DENND4B: variants seen among roughly 807,000 people sequenced by gnomAD.
DENND4B encodes the protein DENN domain-containing protein 4B.
Under a neutral mutation model 161.0 loss-of-function variants are expected in DENND4B, and 67 were observed. That is an observed-to-expected ratio of 0.42 (90% CI 0.34 to 0.51). The LOEUF (loss-of-function observed/expected upper bound fraction) is 0.51, where lower values mean the gene tolerates loss of function less well. DENND4B is among the 20% of genes least tolerant of loss of function. The pLI is 0.08. For synonymous variants in DENND4B, 753 were observed against 813.8 expected, an observed-to-expected ratio of 0.93 and a Z score of 1.27; for missense variants, 1,481 against 1,968.0, an observed-to-expected ratio of 0.75 and a Z score of 4.68.
chr1:153,941,527 C>A, intron 6 of DENND4B, 87 bp from the exon 7 acceptor site: 1 of 1,454,558 alleles, frequency 6.9e-7, no homozygotes, highest in Non-Finnish European at 9.2e-7. Flanking sequence ...CACTTGTTCT[C>A]AAGAACCTTA....
Position 153,936,835 on chromosome 1 carries a change from G to A in DENND4B, c.2233-87C>T, listed in dbSNP as rs149538338. 518 of 1,313,762 alleles carry A rather than the reference G, an allele frequency of 3.9e-4. 2 individuals carry two copies. In the African/African-American group the frequency reaches 6.1e-3, roughly 15 times the overall value. The allele number at this position is 1,313,762 out of a possible 1,614,324, so 81.4% of individuals were successfully genotyped here. A position where few individuals can be genotyped will look rare whatever the true frequency, so the allele number is the denominator to read the frequency against. On this transcript the variant is annotated intron_variant, in intron 15 of 27. Coordinates refer to ENST00000361217, the MANE Select transcript of DENND4B (RefSeq NM_014856.3). This position sits in a 1 kb window ranked among gnomAD's most constrained non-coding sequence, Gnocchi z 4.1. ...TTATTTATTTATTTATGACGGTCTC[G>A]CTCTGTCACCCAGGCTGGAGTGCAG...
rs771243616 is a variant in DENND4B at position 153,937,902 on chromosome 1, G to A, written c.1966-39C>T. 1.2e-6 allele frequency: 2 copies of A among 1,613,474 alleles called. No individual in the cohort carries two copies. Among genetic ancestry groups the A allele is most frequent in the South Asian group, 1.1e-5 (1 of 91,050 alleles). On this transcript the variant is annotated intron_variant, in intron 13 of 27. Transcript: ENST00000361217. The surrounding 1 kb of genome is among the most constrained non-coding windows in gnomAD (Gnocchi z 4.7). ...TTAAGAGAGCAAGTGTTGAGATGGT[G>A]GGCATGGAGCAGAGCCAGGGTGTCT...
In DENND4B at chr1:153,934,583, A is replaced by G. The variant is rs542349029; in HGVS notation, c.2773+177T>C. ...CAGTCTCCCAAGTAGCTGGGACTAC[A>G]GGTGCGCGCCACCACGCCCAGCTAA... is the stretch of plus-strand genomic sequence containing the variant. On this transcript the variant is annotated intron_variant, in intron 18 of 27. Transcript: ENST00000361217. This position sits in a 1 kb window ranked among gnomAD's most constrained non-coding sequence, Gnocchi z 5.3. Among the ~76,000 whole-genome samples the G allele has an allele frequency of 7.2e-5, 11 of 152,220 alleles. No individual in the cohort carries two copies. The East Asian group carries it at 1.7e-3, about 24-fold the overall frequency.
Position 153,930,996 on chromosome 1 carries a change from G to T in DENND4B, c.4065C>A (p.Thr1355=). 6.2e-7 allele frequency: 1 copy of T among 1,613,348 alleles called. No homozygotes were observed. Among genetic ancestry groups the T allele is most frequent in the Non-Finnish European group, 8.5e-7 (1 of 1,179,682 alleles). The part of the protein sequence containing the change: ...VQVRLLWDVL[T]PDPNSCPPLY... ...GAGGTGGGCAGCTATTGGGGTCAGG[G>T]GTCAGTACATCCCACAGCAGCCGTA... The change falls in exon 25 of 28, where the codon ACC becomes ACA. Residue 1355 remains threonine, a synonymous_variant. Coordinates refer to ENST00000361217, the MANE Select transcript of DENND4B (RefSeq NM_014856.3). This position sits in a 1 kb window ranked among gnomAD's most constrained non-coding sequence, Gnocchi z 4.7.
Position 153,933,390 on chromosome 1 carries a change from C to T in DENND4B, c.3331-71G>A. 1.2e-6 allele frequency: 2 copies of T among 1,608,328 alleles called. No individual in the cohort carries two copies. Among genetic ancestry groups the T allele is most frequent in the Non-Finnish European group, 1.7e-6 (2 of 1,177,236 alleles). ...CACCCAGGATATGTGTTTCAAGCAC[C>T]CCTCAGAGCCCCCTTTTTGAGCATT... On this transcript the variant is annotated intron_variant, in intron 20 of 27. Transcript: ENST00000361217. This position sits in a 1 kb window ranked among gnomAD's most constrained non-coding sequence, Gnocchi z 5.7.
chr1:153,946,102 G>C lies in DENND4B; in HGVS notation c.-24+199C>G, dbSNP rs774369570. On this transcript the variant is annotated intron_variant, in intron 1 of 27. Coordinates refer to ENST00000361217, the MANE Select transcript of DENND4B (RefSeq NM_014856.3). The surrounding 1 kb of genome is among the most constrained non-coding windows in gnomAD (Gnocchi z 6.3). ...ACTCCGGCACCCACGGGAGCAGAAGGGGGTGCAGGAGGCCGGGCACGGCGA... is the reference window on the plus strand; with the variant it reads ...ACTCCGGCACCCACGGGAGCAGAAGCGGGTGCAGGAGGCCGGGCACGGCGA... Among the ~76,000 whole-genome samples, 1 of 152,198 alleles carries C rather than the reference G, an allele frequency of 6.6e-6. No homozygotes were observed. Among genetic ancestry groups the C allele is most frequent in the Non-Finnish European group, 1.5e-5 (1 of 68,018 alleles).
rs1557855793 is a variant in DENND4B at position 153,940,852 on chromosome 1, C to T, written c.1326+52G>A. On this transcript the variant is annotated intron_variant, in intron 9 of 27. Coordinates refer to ENST00000361217, the MANE Select transcript of DENND4B (RefSeq NM_014856.3). This position sits in a 1 kb window ranked among gnomAD's most constrained non-coding sequence, Gnocchi z 5.6. ...AAGAGTCCAGGCAGGGATAGGGGCA[C>T]CAGAAAGAACCATGGTTCTGGGGAA... The T allele has an allele frequency of 6.5e-7, 1 of 1,526,986 alleles. No homozygotes were observed. The highest frequency in any genetic ancestry group is 8.8e-7 in the Non-Finnish European group (1 of 1,140,988). 94.6% of individuals were successfully genotyped at this position (1,526,986 alleles called of 1,614,324 possible).
Position 153,933,978 on chromosome 1 carries a change from C to T in DENND4B, c.2942-107G>A. 2.0e-6 allele frequency: 3 copies of T among 1,511,950 alleles called. No individual in the cohort carries two copies. The highest frequency in any genetic ancestry group is 2.7e-6 in the Non-Finnish European group (3 of 1,129,758). The allele number at this position is 1,511,950 out of a possible 1,614,324, so 93.7% of individuals were successfully genotyped here. A position where few individuals can be genotyped will look rare whatever the true frequency, so the allele number is the denominator to read the frequency against. ...GCTGCACAAACTCTGGTGCCACCAC[C>T]CCCACCATGATGATATTCTGGGCGA... On this transcript the variant is annotated intron_variant, in intron 19 of 27. Transcript: ENST00000361217. The surrounding 1 kb of genome is among the most constrained non-coding windows in gnomAD (Gnocchi z 5.7).
rs370012813 is a variant in DENND4B, at chr1:153,939,747, G to A, written c.1661C>T (p.Ala554Val). Residue 554 changes from alanine (A) to valine (V), a missense_variant, in exon 12 of 28, where the codon GCA (alanine) becomes GTA (valine). Coordinates refer to ENST00000361217, the MANE Select transcript of DENND4B (RefSeq NM_014856.3). The stretch of plus-strand genomic sequence containing the variant: ...CAGCCGGGCCCTGCGGCCACACACT[G>A]CCTCGTAGTCTGTCAGTAGGAACTC... ...SLEFLLTDYE[A>V]VCGRRARLER... 1 of 1,613,912 alleles carries A rather than the reference G, an allele frequency of 6.2e-7. No individual in the cohort carries two copies. Among genetic ancestry groups the A allele is most frequent in the Non-Finnish European group, 8.5e-7 (1 of 1,179,890 alleles).
chr1:153,942,499 G>A lies in DENND4B; in HGVS notation c.640+57C>T. ...GGACACTTAAGGTGCCTGCCAAGAG[G>A]CACCAGGGCAAAGGGATGTAGGGTC... On this transcript the variant is annotated intron_variant, in intron 4 of 27. Coordinates refer to ENST00000361217, the MANE Select transcript of DENND4B (RefSeq NM_014856.3). The surrounding 1 kb of genome is among the most constrained non-coding windows in gnomAD (Gnocchi z 6.9). 1.3e-6 allele frequency: 2 copies of A among 1,570,574 alleles called. No individual in the cohort carries two copies. The highest frequency in any genetic ancestry group is 2.4e-5 in the East Asian group (1 of 42,446).
chr1:153,941,055 G>T lies in DENND4B; in HGVS notation c.1182-7C>A. The T allele has an allele frequency of 3.9e-6, 6 of 1,552,740 alleles. No homozygotes were observed. Among genetic ancestry groups the T allele is most frequent in the Non-Finnish European group, 5.2e-6 (6 of 1,149,932 alleles). On this transcript the variant is annotated splice_region_variant and splice_polypyrimidine_tract_variant and intron_variant, in intron 8 of 27. Coordinates refer to ENST00000361217, the MANE Select transcript of DENND4B (RefSeq NM_014856.3). ...CTGCAGGAAGCTGGCACCACTGCAG[G>T]CAATGCCGAGGTGGGGAAAGGGTCA...
chr1:153,930,919 C>G lies in DENND4B; in HGVS notation c.4114+28G>C. ...GCCCTCTGGGTATGGGACCCACCCTCCCCACCCAGGCCAAATACCAGACTC... is the reference window on the plus strand; with the variant it reads ...GCCCTCTGGGTATGGGACCCACCCTGCCCACCCAGGCCAAATACCAGACTC... On this transcript the variant is annotated intron_variant, in intron 25 of 27. Coordinates refer to ENST00000361217, the MANE Select transcript of DENND4B (RefSeq NM_014856.3). The surrounding 1 kb of genome is among the most constrained non-coding windows in gnomAD (Gnocchi z 4.7). The G allele has an allele frequency of 1.3e-6, 2 of 1,583,280 alleles. No homozygotes were observed. Among genetic ancestry groups the G allele is most frequent in the Non-Finnish European group, 1.7e-6 (2 of 1,159,102 alleles).
rs375041368 is a variant in DENND4B, at chr1:153,933,002, C to T, written c.3482G>A (p.Arg1161His). 1.9e-5 allele frequency: 30 copies of T among 1,613,880 alleles called. No homozygotes were observed. The highest frequency in any genetic ancestry group is 1.3e-4 in the African/African-American group (10 of 75,018). Residue 1161 changes from arginine (R) to histidine (H), a missense_variant, in exon 22 of 28, where the codon CGT becomes CAT. Arg to His is a conservative substitution (Grantham distance 29). Transcript: ENST00000361217. The surrounding 1 kb of genome is among the most constrained non-coding windows in gnomAD (Gnocchi z 5.7). ...ATCATACACCAGCGAATCACAGGCA[C>T]GGCACAGGGAGCAGCTGGACAGCAG... ...EILLSSCSLC[R>H]ACDSLVYDEE... is the part of the protein sequence containing the mutation.
rs543551713 is a variant in DENND4B, at chr1:153,936,940, G to A, written c.2233-192C>T. ...CACCTCAGTCTCAAGTAGCTGGGAC[G>A]CACCACCAAGCCCGACTGATTGTTT... On this transcript the variant is annotated intron_variant, in intron 15 of 27. Transcript: ENST00000361217. This position sits in a 1 kb window ranked among gnomAD's most constrained non-coding sequence, Gnocchi z 4.1. Among the ~76,000 whole-genome samples, 2 of 152,264 alleles carry A rather than the reference G, an allele frequency of 1.3e-5. No individual in the cohort carries two copies. The highest frequency in any genetic ancestry group is 2.9e-5 in the Non-Finnish European group (2 of 68,006).
chr1:153,940,955 G>GCTCTGTGCTGCT lies in DENND4B; in HGVS notation c.1274_1275insAGCAGCACAGAG (p.Val425_His426insAlaAlaGlnSer). 1 of 1,599,888 alleles carries GCTCTGTGCTGCT rather than the reference G, an allele frequency of 6.3e-7. No individual in the cohort carries two copies. Among genetic ancestry groups the GCTCTGTGCTGCT allele is most frequent in the Non-Finnish European group, 8.5e-7 (1 of 1,174,822 alleles). ...TGAGCAGGTCTGGCCGCAGCGAGTG[G>GCTCTGTGCTGCT]ACTAGCAGCTTGTGCTCTGTGAGCA... On this transcript the variant is annotated inframe_insertion, in exon 9 of 28. Coordinates refer to ENST00000361217, the MANE Select transcript of DENND4B (RefSeq NM_014856.3). This position sits in a 1 kb window ranked among gnomAD's most constrained non-coding sequence, Gnocchi z 5.6.
In DENND4B at chr1:153,944,735, A is replaced by G. The variant is rs948684024; in HGVS notation, c.-23-338T>C. On this transcript the variant is annotated intron_variant, in intron 1 of 27. Coordinates refer to ENST00000361217, the MANE Select transcript of DENND4B (RefSeq NM_014856.3). This position sits in a 1 kb window ranked among gnomAD's most constrained non-coding sequence, Gnocchi z 4.8. Reference sequence around the variant, plus strand: ...CAGAGATCACAATCTTTTTTGTAATAGCCTTCCATGACATCATTCATGCTG... The same window carrying G: ...CAGAGATCACAATCTTTTTTGTAATGGCCTTCCATGACATCATTCATGCTG... 3.3e-5 allele frequency among the ~76,000 whole-genome samples: 5 copies of G among 152,202 alleles called. No individual in the cohort carries two copies. The highest frequency in any genetic ancestry group is 4.8e-5 in the African/African-American group (2 of 41,454).
chr1:153,931,603 T>C (rs1195304766), intron 24 of DENND4B, among the ~76,000 whole-genome samples: 1 of 151,230 alleles, frequency 6.6e-6, no homozygotes, highest in Non-Finnish European at 1.5e-5. Flanking sequence ...GTTCACGCCA[T>C]TCTCCTGCCT....
chr1:153,937,442 C>CTTCA lies in DENND4B; in HGVS notation c.2232+42_2232+45dup. The CTTCA allele has an allele frequency of 6.8e-7, 1 of 1,479,218 alleles. No individual in the cohort carries two copies. Among genetic ancestry groups the CTTCA allele is most frequent in the Non-Finnish European group, 9.0e-7 (1 of 1,111,614 alleles). The allele number at this position is 1,479,218 out of a possible 1,614,324, so 91.6% of individuals were successfully genotyped here. A position where few individuals can be genotyped will look rare whatever the true frequency, so the allele number is the denominator to read the frequency against. ...ATGAGGAAACTGAAGCAGCAGCAGC[C>CTTCA]TTCAGCCTGATCCGGGTCCCTCAGT... On this transcript the variant is annotated intron_variant, in intron 15 of 27. Coordinates refer to ENST00000361217, the MANE Select transcript of DENND4B (RefSeq NM_014856.3). This position sits in a 1 kb window ranked among gnomAD's most constrained non-coding sequence, Gnocchi z 4.7.
At position 153,942,286 on chromosome 1, in the gene DENND4B, G is replaced by C; in HGVS notation, c.711C>G (p.Cys237Trp). 6.2e-7 allele frequency: 1 copy of C among 1,613,874 alleles called. No individual in the cohort carries two copies. Among genetic ancestry groups the C allele is most frequent in the Non-Finnish European group, 8.5e-7 (1 of 1,179,858 alleles). ...FPLPESVPVFCLPMGATIECW... is the reference protein window; with the variant it reads ...FPLPESVPVFWLPMGATIECW... ...ACTCGATAGTGGCCCCCATGGGCAG[G>C]CAGAAGACGGGCACTGACTCGGGCA... Residue 237 changes from cysteine to tryptophan, a missense_variant, in exon 5 of 28, where the codon TGC (cysteine) becomes TGG (tryptophan). Physicochemically the swap from Cys to Trp is radical, Grantham distance 215. Transcript: ENST00000361217. The surrounding 1 kb of genome is among the most constrained non-coding windows in gnomAD (Gnocchi z 6.9).
Sources: gnomAD v4.1 joint callset for allele counts (sites outside exome capture counted in the v4.1 genomes callset) on GRCh38, gnomAD v4.1.1 for gene constraint, Gnocchi (gnomAD v3.1) non-coding constraint, MANE v1.5 for transcripts, NCBI Gene and HGNC (gene_info 2026-07-23, HGNC 2026-07-21) for gene names.